OPA3: variants seen among roughly 807,000 people sequenced by gnomAD.
OPA3 encodes optic atrophy 3 protein.
OPA3 carries 6 observed loss-of-function variants against 4.0 expected under a neutral mutation model. The observed-to-expected ratio is 1.51, with a 90% confidence interval of 0.83 to 2.99. The LOEUF is 2.99. Among genes scored for constraint, OPA3 ranks in the 30% most tolerant of loss-of-function variants. The pLI, the probability that OPA3 is intolerant of heterozygous loss-of-function variation, is 0.00. For missense variants in OPA3, 235 were observed against 256.2 expected (o/e 0.92, Z 0.56); for synonymous variants, 105 against 117.1 (o/e 0.90, Z 0.67).
Position 45,549,948 on chromosome 19 carries a change from A to T in OPA3, c.*3566T>A. The T allele has an allele frequency of 1.1e-6, 1 of 885,354 alleles. No individual in the cohort carries two copies. The highest frequency in any genetic ancestry group is 1.8e-5 in the African/African-American group (1 of 55,240). 54.8% of individuals were successfully genotyped at this position (885,354 alleles called of 1,614,324 possible). ...CGAGGCGGGCGGATTACCTGAGGTC[A>T]GGAGTTCAAGATCAGCCTGGGCAAC... On this transcript the variant is annotated 3_prime_UTR_variant, in exon 2 of 2. Coordinates refer to ENST00000263275, the MANE Select transcript of OPA3 (RefSeq NM_025136.4).
At position 45,549,271 on chromosome 19, in the gene OPA3, A is replaced by T; in HGVS notation, c.*4243T>A. 1 of 985,378 alleles carries T rather than the reference A, an allele frequency of 1.0e-6. No homozygotes were observed. The highest frequency in any genetic ancestry group is 1.2e-6 in the Non-Finnish European group (1 of 829,928). The allele number at this position is 985,378 out of a possible 1,614,324, so 61.0% of individuals were successfully genotyped here. On this transcript the variant is annotated 3_prime_UTR_variant, in exon 2 of 2. Coordinates refer to ENST00000263275, the MANE Select transcript of OPA3 (RefSeq NM_025136.4). ...CTCTGGCCTCTTGCATTTTGAGAGGACGTTCTTTCCACTTCCACACACTCT... is the reference window on the plus strand; with the variant it reads ...CTCTGGCCTCTTGCATTTTGAGAGGTCGTTCTTTCCACTTCCACACACTCT...
intron 1 of OPA3, among the ~76,000 whole-genome samples, chr19:45,531,148 T>G (rs543946418): frequency 3.3e-5 from 5 of 151,976 alleles, no homozygotes; most frequent in Non-Finnish European, 7.4e-5. Context: ...TGCTTTGTGC[T>G]GCCTGAAATT....
intron 1 of OPA3, among the ~76,000 whole-genome samples, chr19:45,571,247 G>A (rs1969662240): frequency 6.6e-6 from 1 of 152,032 alleles, no homozygotes; most frequent in South Asian, 2.1e-4. Context: ...GGGTTCAAGC[G>A]ATACTCTTGC....
In OPA3 at chr19:45,578,546, G is replaced by A. The variant is rs559575438; in HGVS notation, c.142+6077C>T. Reference sequence around the variant, plus strand: ...GTTATCCTTAAAAACTCTGCTCCCGGGCCAGGCGTGGTGGCTCATGCCTGT... The same window carrying A: ...GTTATCCTTAAAAACTCTGCTCCCGAGCCAGGCGTGGTGGCTCATGCCTGT... On this transcript the variant is annotated intron_variant, in intron 1 of 1. Coordinates refer to ENST00000263275, the MANE Select transcript of OPA3 (RefSeq NM_025136.4). 1.5e-3 allele frequency among the ~76,000 whole-genome samples: 230 copies of A among 152,154 alleles called. 1 individual carries two copies. Among genetic ancestry groups the A allele is most frequent in the African/African-American group, 4.8e-3 (200 of 41,508 alleles).
At chr19:45,579,377 C>T (rs544464539) in intron 1 of OPA3, among the ~76,000 whole-genome samples, 161 of 152,208 alleles carry the variant, frequency 1.1e-3, no homozygotes, top group Non-Finnish European at 1.6e-3. Flanking sequence ...CCTGCCACCA[C>T]ACCTGGCTAA....
In OPA3 at chr19:45,551,718, C is replaced by A; in HGVS notation, c.*1796G>T. The A allele has an allele frequency of 4.1e-6, 4 of 985,388 alleles. No individual in the cohort carries two copies. The highest frequency in any genetic ancestry group is 4.8e-6 in the Non-Finnish European group (4 of 829,962). The allele number at this position is 985,388 out of a possible 1,614,324, so 61.0% of individuals were successfully genotyped here. ...TCAAGCAGTTAAGGCCAACTGCTGG[C>A]CTAATTGGTAGGATGGGGGTGGGAC... On this transcript the variant is annotated 3_prime_UTR_variant, in exon 2 of 2. Coordinates refer to ENST00000263275, the MANE Select transcript of OPA3 (RefSeq NM_025136.4).
chr19:45,543,060 A>G (rs1385986532), downstream of OPA3, among the ~76,000 whole-genome samples: 1 of 151,268 alleles, frequency 6.6e-6, no homozygotes, highest in African/African-American at 2.4e-5. Context: ...CCCAGGCTGG[A>G]GTGCAGTGGC....
At chr19:45,545,258 G>A (rs1227663022), downstream of OPA3, among the ~76,000 whole-genome samples, 3 of 151,884 alleles carry the variant, frequency 2.0e-5, no homozygotes, top group African/African-American at 7.3e-5. Flanking sequence ...GGCTGGATGT[G>A]GTGGCTCACA....
At position 45,568,259 on chromosome 19, in the gene OPA3, G is replaced by A. The variant is rs533927268; in HGVS notation, c.143-14348C>T. ...GGCTGGAGAGCAGTGACACAATCTC[G>A]GCTCACTGCAACCTCTGCCTCCTGG... On this transcript the variant is annotated intron_variant, in intron 1 of 1. Coordinates refer to ENST00000263275, the MANE Select transcript of OPA3 (RefSeq NM_025136.4). 5.3e-5 allele frequency among the ~76,000 whole-genome samples: 8 copies of A among 152,042 alleles called. No individual in the cohort carries two copies. The South Asian group carries it at 1.0e-3, about 20-fold the overall frequency.
rs993788443 is a variant in OPA3, at chr19:45,533,129, G to T, written c.143-3673C>A. Reference sequence around the variant, plus strand: ...TGGTCTCGAACTCCCAACCTCAAATGATCCACCTGCCTTGGCCTCCCAAAG... The same window carrying T: ...TGGTCTCGAACTCCCAACCTCAAATTATCCACCTGCCTTGGCCTCCCAAAG... On this transcript the variant is annotated intron_variant, in intron 1 of 1. Transcript: ENST00000323060. Among the ~76,000 whole-genome samples, 6 of 151,794 alleles carry T rather than the reference G, an allele frequency of 4.0e-5. No homozygotes were observed. The South Asian group carries it at 1.0e-3, about 26-fold the overall frequency.
At chr19:45,572,362 GAT>G (rs1337468871) in intron 1 of OPA3, among the ~76,000 whole-genome samples, 1 of 124,620 alleles carries the variant, frequency 8.0e-6, no homozygotes, top group African/African-American at 3.0e-5. Context: ...ACATATATGA[GAT>G]ATATATCGAT....
chr19:45,556,723 G>A (rs1346024265), intron 1 of OPA3, among the ~76,000 whole-genome samples: 2 of 152,166 alleles, frequency 1.3e-5, no homozygotes, highest in Non-Finnish European at 2.9e-5. Context: ...TGCTGGAGCT[G>A]GAGGGAAGAC....
At chr19:45,534,194 C>T (rs1345673630) in intron 1 of OPA3, among the ~76,000 whole-genome samples, 2 of 152,186 alleles carry the variant, frequency 1.3e-5, no homozygotes, top group Admixed American at 6.5e-5. Context: ...CATTAACCCC[C>T]TCCAAGGGAG....
chr19:45,584,265 C>T, intron 1 of OPA3: 1 of 888,692 alleles, frequency 1.1e-6, no homozygotes, highest in Non-Finnish European at 1.3e-6. Flanking sequence ...GCAAAGGACC[C>T]CGTCCGGTTT....
intron 1 of OPA3, among the ~76,000 whole-genome samples, chr19:45,568,839 T>C (rs1324846902): frequency 1.3e-5 from 2 of 151,936 alleles, no homozygotes; most frequent in Admixed American, 6.6e-5. Flanking sequence ...GCCTGGGAAT[T>C]TGGCAGGAAA....
intron 1 of OPA3, among the ~76,000 whole-genome samples, chr19:45,567,534 G>C (rs568476578): frequency 6.6e-6 from 1 of 151,938 alleles, no homozygotes; most frequent in Non-Finnish European, 1.5e-5. Context: ...CAGGGGAGGA[G>C]GGACCTTTCT....
intron 1 of OPA3, among the ~76,000 whole-genome samples, chr19:45,531,415 G>A (rs1052308779): frequency 6.6e-6 from 1 of 152,074 alleles, no homozygotes; most frequent in African/African-American, 2.4e-5. Flanking sequence ...AATTTACCAT[G>A]GGACCAAGAT....
At chr19:45,578,344 G>T (rs976219892) in intron 1 of OPA3, among the ~76,000 whole-genome samples, 33 of 152,134 alleles carry the variant, frequency 2.2e-4, no homozygotes, top group Non-Finnish European at 5.9e-5. Flanking sequence ...CTCTGCACTT[G>T]ATGGATCAGC....
chr19:45,537,410 A>AAAAAAAACAAG (rs1969132183), intron 1 of OPA3, among the ~76,000 whole-genome samples: 3 of 120,060 alleles, frequency 2.5e-5, no homozygotes, highest in African/African-American at 6.6e-5. Flanking sequence ...AAAAAAAAAA[A>AAAAAAAACAAG]AAAAAAAAAA....
Sources: allele counts gnomAD v4.1 joint callset (sites outside exome capture counted in the v4.1 genomes callset), GRCh38; gene constraint gnomAD v4.1.1; transcripts MANE v1.5; gene names NCBI Gene and HGNC (gene_info 2026-07-23, HGNC 2026-07-21).